Variants in PLPP5 observed in about 807,000 individuals in gnomAD.
PLPP5 encodes phospholipid phosphatase 5, also known as diacylglycerol pyrophosphate like 1.
In PLPP5, 29 loss-of-function variants were observed where a neutral mutation model predicts 23.6. The observed-to-expected ratio is 1.23, with a 90% CI of 0.92 to 1.68. The LOEUF (loss-of-function observed/expected upper bound fraction) is 1.68, where lower values mean the gene tolerates loss of function less well. PLPP5 is among the 40% of genes most tolerant of loss of function. PLPP5 has a pLI of 0.00. For missense variants in PLPP5, 315 were observed against 332.1 expected (o/e 0.95, Z 0.40); for synonymous variants, 143 against 131.3 (o/e 1.09, Z -0.61).
intron 5 of PLPP5, 134 bp downstream of exon 5, chr8:38,267,133 A>T: frequency 6.5e-7 from 1 of 1,545,808 alleles, no homozygotes; most frequent in Non-Finnish European, 8.7e-7. Flanking sequence ...TAAACTGTGG[A>T]GTTACTAAAG....
intron 5 of PLPP5, chr8:38,267,048 A>G: frequency 2.8e-6 from 4 of 1,418,630 alleles, no homozygotes; most frequent in Non-Finnish European, 3.7e-6. Flanking sequence ...TAACAATTAA[A>G]TGTGCAAATC....
At position 38,269,172 on chromosome 8, in the gene PLPP5, A is replaced by C; in HGVS notation, c.28T>G (p.Phe10Val). 6.6e-7 allele frequency: 1 copy of C among 1,506,456 alleles called. No individual in the cohort carries two copies. The highest frequency in any genetic ancestry group is 2.7e-5 in the East Asian group (1 of 36,882). 93.3% of individuals were successfully genotyped at this position (1,506,456 alleles called of 1,614,324 possible). A position where few individuals can be genotyped will look rare whatever the true frequency, so the allele number is the denominator to read the frequency against. The change falls in exon 1 of 7, where the codon TTT becomes GTT. Residue 10 changes from phenylalanine (F) to valine (V), a missense_variant. Transcript: ENST00000424479. MGKAAAAVA[F>V]GAEVGVRLAL... The stretch of plus-strand genomic sequence containing the variant: ...AGCCGCACGCCCACTTCGGCCCCAA[A>C]GGCCACCGCCGCCGCCGCCTTCCCC...
intron 6 of PLPP5, 48 bp downstream of exon 6, chr8:38,266,093 A>G (rs1390028840): frequency 1.9e-6 from 3 of 1,579,170 alleles, no homozygotes; most frequent in Non-Finnish European, 2.6e-6. Context: ...TGCTAGGAAT[A>G]AAATGAGTGA....
Position 38,264,512 on chromosome 8 carries a change from G to T in PLPP5, c.727C>A (p.Pro243Thr). ...GAAAGTACAAGTTTGTCTTGAAATG[G>T]TTTATGGCATTCTGCATCAGTCAGA... ...PPLTDAECHK[P>T]FQDKLVLSTA... is the part of the protein sequence containing the mutation. The change falls in exon 7 of 7, where the codon CCA becomes ACA. Residue 243 changes from proline to threonine, a missense_variant. Pro to Thr is a conservative substitution (Grantham distance 38). Transcript: ENST00000424479. The T allele has an allele frequency of 6.4e-7, 1 of 1,559,280 alleles. No individual in the cohort carries two copies.
rs1056624548 is a variant in PLPP5, at chr8:38,264,155, T to G, written c.*289A>C. The G allele has an allele frequency of 2.7e-4, 283 of 1,039,966 alleles. No homozygotes were observed. The highest frequency in any genetic ancestry group is 4.5e-4 in the Middle Eastern group (1 of 2,228). 64.4% of individuals were successfully genotyped at this position (1,039,966 alleles called of 1,614,324 possible). On this transcript the variant is annotated 3_prime_UTR_variant, in exon 7 of 7. Coordinates refer to ENST00000424479, the MANE Select transcript of PLPP5 (RefSeq NM_001102559.2). The stretch of plus-strand genomic sequence containing the variant: ...TTCTCTATTGAGATAGATTCAATTT[T>G]TTTTTTTTTTGAGATGGGGTCTCAC...
rs1393384024 is a variant in PLPP5 at position 38,263,179 on chromosome 8, T to C, written c.*1265A>G. 1 of 155,350 alleles carries C rather than the reference T, an allele frequency of 6.4e-6. No homozygotes were observed. The highest frequency in any genetic ancestry group is 2.4e-5 in the African/African-American group (1 of 41,524). 9.6% of individuals were successfully genotyped at this position (155,350 alleles called of 1,614,324 possible). A position where few individuals can be genotyped will look rare whatever the true frequency, so the allele number is the denominator to read the frequency against. On this transcript the variant is annotated 3_prime_UTR_variant, in exon 7 of 7. Coordinates refer to ENST00000424479, the MANE Select transcript of PLPP5 (RefSeq NM_001102559.2). Reference sequence around the variant, plus strand: ...GAAGGAAAAAGATACATTGAAAATATAGGAACATACACATAAAAGACAATG... The same window carrying C: ...GAAGGAAAAAGATACATTGAAAATACAGGAACATACACATAAAAGACAATG...
chr8:38,268,247 G>T, intron 3 of PLPP5, 124 bp downstream of exon 3: 1 of 1,087,970 alleles, frequency 9.2e-7, no homozygotes, highest in Non-Finnish European at 1.3e-6. Flanking sequence ...TCTCCCGCGG[G>T]GATAGAGTTC....
At chr8:38,265,264 CAAA>C (rs1228103198) in intron 6 of PLPP5, among the ~76,000 whole-genome samples, 4 of 70,998 alleles carry the variant, frequency 5.6e-5, no homozygotes, top group Non-Finnish European at 2.7e-5. Flanking sequence ...GACTCTGTCT[CAAA>C]AAAAAAAAAA....
intron 5 of PLPP5, 168 bp downstream of exon 5, chr8:38,267,099 C>T: frequency 6.8e-7 from 1 of 1,466,470 alleles, no homozygotes; most frequent in Non-Finnish European, 9.0e-7. Flanking sequence ...AATATTTACC[C>T]AAATAGTCAA....
At position 38,264,440 on chromosome 8, in the gene PLPP5, A is replaced by G; in HGVS notation, c.*4T>C. ...GAGCCACCACGCCCGGCCAGATTCA[A>G]TTTTTAAATATCAAAACAATAAGAA... On this transcript the variant is annotated 3_prime_UTR_variant, in exon 7 of 7. Coordinates refer to ENST00000424479, the MANE Select transcript of PLPP5 (RefSeq NM_001102559.2). 6.5e-7 allele frequency: 1 copy of G among 1,544,792 alleles called. No individual in the cohort carries two copies. Among genetic ancestry groups the G allele is most frequent in the South Asian group, 1.2e-5 (1 of 83,514 alleles).
rs1807221897 is a variant in PLPP5 at position 38,263,823 on chromosome 8, C to G, written c.*621G>C. The G allele has an allele frequency of 1.0e-6, 1 of 984,954 alleles. No homozygotes were observed. Among genetic ancestry groups the G allele is most frequent in the Non-Finnish European group, 1.2e-6 (1 of 829,504 alleles). The allele number at this position is 984,954 out of a possible 1,614,324, so 61.0% of individuals were successfully genotyped here. A position where few individuals can be genotyped will look rare whatever the true frequency, so the allele number is the denominator to read the frequency against. The stretch of plus-strand genomic sequence containing the variant: ...GGGCTATGTAAAGGCTTCTTTGTGA[C>G]AAGATCCTTCTAAGAATGGCATTTA... On this transcript the variant is annotated 3_prime_UTR_variant, in exon 7 of 7. Coordinates refer to ENST00000424479, the MANE Select transcript of PLPP5 (RefSeq NM_001102559.2).
rs1309857114 is a variant in PLPP5 at position 38,264,417 on chromosome 8, G to A, written c.*27C>T. The A allele has an allele frequency of 2.6e-6, 4 of 1,520,550 alleles. No homozygotes were observed. In the South Asian group the frequency reaches 3.7e-5, roughly 14 times the overall value. 94.2% of individuals were successfully genotyped at this position (1,520,550 alleles called of 1,614,324 possible). A position where few individuals can be genotyped will look rare whatever the true frequency, so the allele number is the denominator to read the frequency against. ...CAAAGTGTTGGGATTACAGGCATGA[G>A]CCACCACGCCCGGCCAGATTCAATT... On this transcript the variant is annotated 3_prime_UTR_variant, in exon 7 of 7. Coordinates refer to ENST00000424479, the MANE Select transcript of PLPP5 (RefSeq NM_001102559.2).
At chr8:38,264,918 T>G in intron 6 of PLPP5, 1 of 1,612,884 alleles carries the variant, frequency 6.2e-7, no homozygotes. Flanking sequence ...CTTATTGCTA[T>G]TCATCTGCCC....
rs1045889730 is a variant in PLPP5, at chr8:38,267,717, G to C, written c.338+180C>G. 3 of 686,634 alleles carry C rather than the reference G, an allele frequency of 4.4e-6. No individual in the cohort carries two copies. The African/African-American group carries it at 5.4e-5, about 12-fold the overall frequency. The allele number at this position is 686,634 out of a possible 1,614,324, so 42.5% of individuals were successfully genotyped here. On this transcript the variant is annotated intron_variant, in intron 4 of 6. Transcript: ENST00000424479. Reference sequence around the variant, plus strand: ...TGCTGTTCAGGCAGAAAAGAGCCCAGGTGTCACCTGGAGGACTGAGGTATG... The same window carrying C: ...TGCTGTTCAGGCAGAAAAGAGCCCACGTGTCACCTGGAGGACTGAGGTATG...
Position 38,263,972 on chromosome 8 carries a change from C to T in PLPP5, c.*472G>A, listed in dbSNP as rs1447329201. 9.1e-6 allele frequency: 9 copies of T among 985,432 alleles called. No individual in the cohort carries two copies. Among genetic ancestry groups the T allele is most frequent in the Non-Finnish European group, 1.1e-5 (9 of 830,140 alleles). The allele number at this position is 985,432 out of a possible 1,614,324, so 61.0% of individuals were successfully genotyped here. On this transcript the variant is annotated 3_prime_UTR_variant, in exon 7 of 7. Transcript: ENST00000424479. Reference sequence around the variant, plus strand: ...GTGGCATACAGTAGTGGAAAAGAACCGTAACTCCTCAAGATAGATGAGCAG... The same window carrying T: ...GTGGCATACAGTAGTGGAAAAGAACTGTAACTCCTCAAGATAGATGAGCAG...
chr8:38,266,332 A>C, intron 5 of PLPP5, 21 bp from the exon 6 acceptor site: 1 of 1,602,042 alleles, frequency 6.2e-7, no homozygotes, highest in African/African-American at 1.3e-5. Context: ...AAAAACTTTT[A>C]AGTGGTTTGT....
chr8:38,264,319 T>C lies in PLPP5; in HGVS notation c.*125A>G. On this transcript the variant is annotated 3_prime_UTR_variant, in exon 7 of 7. Coordinates refer to ENST00000424479, the MANE Select transcript of PLPP5 (RefSeq NM_001102559.2). ...ACAACTCCTGGCTAATTTTTGTATT[T>C]TTAGTAGAGACAGGGTTCACCATGT... is the stretch of plus-strand genomic sequence containing the variant. 1 of 826,970 alleles carries C rather than the reference T, an allele frequency of 1.2e-6. No homozygotes were observed. Among genetic ancestry groups the C allele is most frequent in the Non-Finnish European group, 1.7e-6 (1 of 583,616 alleles). The allele number at this position is 826,970 out of a possible 1,614,324, so 51.2% of individuals were successfully genotyped here. A position where few individuals can be genotyped will look rare whatever the true frequency, so the allele number is the denominator to read the frequency against.
At position 38,267,758 on chromosome 8, in the gene PLPP5, G is replaced by A. The variant is rs966606652; in HGVS notation, c.338+139C>T. 30 of 907,886 alleles carry A rather than the reference G, an allele frequency of 3.3e-5. 1 individual carries two copies. Among genetic ancestry groups the A allele is most frequent in the Middle Eastern group, 2.2e-4 (1 of 4,544 alleles). The allele number at this position is 907,886 out of a possible 1,614,324, so 56.2% of individuals were successfully genotyped here. A position where few individuals can be genotyped will look rare whatever the true frequency, so the allele number is the denominator to read the frequency against. ...CTGAGGTATGGGGAAGGGAGTAAGC[G>A]TTGAATGACAAAAGAAAAATCAGAG... On this transcript the variant is annotated intron_variant, in intron 4 of 6. Transcript: ENST00000424479.
chr8:38,264,598 A>G lies in PLPP5; in HGVS notation c.641T>C (p.Leu214Pro). The G allele has an allele frequency of 6.3e-7, 1 of 1,593,438 alleles. No individual in the cohort carries two copies. The highest frequency in any genetic ancestry group is 2.3e-5 in the East Asian group (1 of 44,402). ...TGTCATTCCAATCATGGATCCAACT[A>G]GTACATCTGAAGAGAGTGGAAACAA... ...CDYKHHWQDV[L>P]VGSMIGMTFA... is the part of the protein sequence containing the mutation. Residue 214 changes from leucine to proline, a missense_variant, in exon 7 of 7, where the codon CTA becomes CCA. Coordinates refer to ENST00000424479, the MANE Select transcript of PLPP5 (RefSeq NM_001102559.2).
Sources: allele counts gnomAD v4.1 joint callset (sites outside exome capture counted in the v4.1 genomes callset), GRCh38; gene constraint gnomAD v4.1.1; transcripts MANE v1.5; gene names NCBI Gene and HGNC (gene_info 2026-07-23, HGNC 2026-07-21).